ITGA1: variants seen among roughly 807,000 people sequenced by gnomAD.
The protein encoded by ITGA1 is integrin alpha-1.
A neutral mutation model predicts 145.9 loss-of-function variants in ITGA1; 85 were observed. The observed-to-expected ratio is 0.58, with a 90% confidence interval of 0.49 to 0.70. ITGA1 has a LOEUF of 0.70. ITGA1 is among the 30% of genes least tolerant of loss of function. The pLI is 0.00. For synonymous variants in ITGA1, 520 were observed against 495.3 expected (o/e 1.05, Z -0.66); for missense variants, 1,351 against 1,418.7 (o/e 0.95, Z 0.77).
chr5:52,796,396 ATACTGATATAAAGT>A (rs1159072740), intron 1 of ITGA1, among the ~76,000 whole-genome samples: 2 of 152,028 alleles, frequency 1.3e-5, no homozygotes, highest in Non-Finnish European at 1.5e-5. Flanking sequence ...ATAAAGATTT[ATACTGATATAAAGT>A]TACTGATATA....
At chr5:52,853,283 T>C (rs1749456512) in intron 2 of ITGA1, among the ~76,000 whole-genome samples, 1 of 152,184 alleles carries the variant, frequency 6.6e-6, no homozygotes, top group African/African-American at 2.4e-5. Context: ...TGGGATCTGG[T>C]AGTGCAAAAT....
intron 1 of ITGA1, among the ~76,000 whole-genome samples, chr5:52,830,866 T>A (rs1372722060): frequency 6.6e-6 from 1 of 152,120 alleles, no homozygotes; most frequent in Non-Finnish European, 1.5e-5. Context: ...GCCCTCCTAA[T>A]AAGACCATCC....
At chr5:52,829,533 A>G (rs2111718140) in intron 1 of ITGA1, among the ~76,000 whole-genome samples, 1 of 152,294 alleles carries the variant, frequency 6.6e-6, no homozygotes, top group Admixed American at 6.5e-5. Flanking sequence ...TTTTTGAAAA[A>G]TGATCTCACT....
At chr5:52,892,783 A>T (rs1750170339) in intron 8 of ITGA1, among the ~76,000 whole-genome samples, 2 of 152,134 alleles carry the variant, frequency 1.3e-5, no homozygotes, top group South Asian at 2.1e-4. Flanking sequence ...CATTCTGGAA[A>T]AATCAAAGCT....
chr5:52,845,568 A>T (rs1024199295), intron 1 of ITGA1, among the ~76,000 whole-genome samples: 5 of 152,114 alleles, frequency 3.3e-5, no homozygotes, highest in Non-Finnish European at 7.4e-5. Flanking sequence ...ATTGGTGGTG[A>T]TGTTCTTGTC....
Position 52,937,428 on chromosome 5 carries a change from CCAGAGCTTAAGCTGT to C in ITGA1, c.2995_3009del (p.Glu999_Ser1003del). On this transcript the variant is annotated inframe_deletion, in exon 24 of 29. Transcript: ENST00000282588. ...TAGAAAAAGTGGATCTTTTCCAATG[CCAGAGCTTAAGCTGT>C]CAATTTCATTCCCCAATATGACATC... 2.5e-6 allele frequency: 4 copies of C among 1,612,644 alleles called. No homozygotes were observed. Among genetic ancestry groups the C allele is most frequent in the Non-Finnish European group, 3.4e-6 (4 of 1,178,728 alleles).
At chr5:52,803,117 C>T (rs1193462189) in intron 1 of ITGA1, 1 of 152,150 alleles carries the variant, frequency 6.6e-6, no homozygotes, top group Non-Finnish European at 1.5e-5. Context: ...ACTAACTAAA[C>T]TTTCGCCGGT....
chr5:52,822,612 T>C (rs1748897514), intron 1 of ITGA1, among the ~76,000 whole-genome samples: 1 of 152,218 alleles, frequency 6.6e-6, no homozygotes, highest in Non-Finnish European at 1.5e-5. Context: ...ACTGGAAGTC[T>C]GTCACTTGGC....
intron 3 of ITGA1, among the ~76,000 whole-genome samples, chr5:52,863,355 C>T (rs1208024476): frequency 6.6e-6 from 1 of 151,722 alleles, no homozygotes; most frequent in Admixed American, 6.6e-5. Context: ...ATATACTACT[C>T]TCCTCCTCAT....
intron 1 of ITGA1, chr5:52,800,620 T>C: frequency 6.2e-7 from 1 of 1,613,900 alleles, no homozygotes. Context: ...CGACTTCGAC[T>C]CTCAAGCCTG....
chr5:52,822,279 G>A (rs921044524), intron 1 of ITGA1, among the ~76,000 whole-genome samples: 3 of 152,192 alleles, frequency 2.0e-5, no homozygotes, highest in Non-Finnish European at 1.5e-5. Context: ...GCCTACAGTA[G>A]ATTGGTGACA....
intron 1 of ITGA1, among the ~76,000 whole-genome samples, chr5:52,809,443 C>T (rs2111681910): frequency 6.6e-6 from 1 of 151,246 alleles, no homozygotes; most frequent in East Asian, 1.9e-4. Context: ...CCATTAGTTT[C>T]TAGAGAGATC....
At chr5:52,911,492 ATATATAG>A (rs1221900131) in intron 14 of ITGA1, among the ~76,000 whole-genome samples, 2 of 129,030 alleles carry the variant, frequency 1.6e-5, no homozygotes, top group Non-Finnish European at 3.2e-5. Flanking sequence ...TATATATAGT[ATATATAG>A]TAGATACACT....
intron 6 of ITGA1, 27 bp downstream of exon 6, chr5:52,865,844 G>C: frequency 6.5e-7 from 1 of 1,540,824 alleles, no homozygotes; most frequent in Non-Finnish European, 8.7e-7. Context: ...TTTGATTTCT[G>C]TTGTTCTAAA....
chr5:52,940,014 T>C (rs936941367), intron 26 of ITGA1, 70 bp downstream of exon 26: 1 of 931,948 alleles, frequency 1.1e-6, no homozygotes, highest in Admixed American at 1.9e-5. Context: ...ACTTAGAATA[T>C]GCAAGGCACT....
chr5:52,944,884 G>T, intron 26 of ITGA1, 59 bp from the exon 27 acceptor site: 1 of 1,164,152 alleles, frequency 8.6e-7, no homozygotes, highest in South Asian at 1.3e-5. Context: ...ACTCAAACAT[G>T]ACTAGCTCTC....
At chr5:52,822,238 G>A (rs1489809796) in intron 1 of ITGA1, among the ~76,000 whole-genome samples, 5 of 152,158 alleles carry the variant, frequency 3.3e-5, no homozygotes, top group African/African-American at 1.2e-4. Context: ...GATAGACTTG[G>A]AAATCAAGGC....
At chr5:52,872,260 G>A (rs1749787331) in intron 6 of ITGA1, among the ~76,000 whole-genome samples, 1 of 152,092 alleles carries the variant, frequency 6.6e-6, no homozygotes, top group Non-Finnish European at 1.5e-5. Flanking sequence ...CTGAAAAGAA[G>A]CCTGAGGGAG....
intron 1 of ITGA1, among the ~76,000 whole-genome samples, chr5:52,841,449 G>T (rs1393007603): frequency 6.6e-6 from 1 of 152,014 alleles, no homozygotes; most frequent in African/African-American, 2.4e-5. Context: ...CAAGGTTATG[G>T]TGCTATAAAA....
Sources: allele counts gnomAD v4.1 joint callset (sites outside exome capture counted in the v4.1 genomes callset), GRCh38; gene constraint gnomAD v4.1.1; transcripts MANE v1.5; gene names NCBI Gene and HGNC (gene_info 2026-07-23, HGNC 2026-07-21).